CATSPERT: variants seen among roughly 807,000 people sequenced by gnomAD.
The protein encoded by CATSPERT is catsper channel auxiliary subunit tau.
At chr2:201,499,077 C>T in the CATSPERT span, among the ~76,000 whole-genome samples, 1 of 152,068 alleles carries the variant, frequency 6.6e-6, no homozygotes, top group Non-Finnish European at 1.5e-5. Context: ...GGAAGCCTGC[C>T]CAGCACATAG....
the CATSPERT span, among the ~76,000 whole-genome samples, chr2:201,596,949 T>C: frequency 1.3e-5 from 2 of 152,242 alleles, no homozygotes; most frequent in Non-Finnish European, 2.9e-5. Flanking sequence ...ATCTGGGTCA[T>C]CTGTGGGTTT....
chr2:201,563,615 A>G, the CATSPERT span, among the ~76,000 whole-genome samples: 2 of 152,136 alleles, frequency 1.3e-5, no homozygotes, highest in East Asian at 3.8e-4. Context: ...ATTTTCTACC[A>G]TCTTTTTGAT....
chr2:201,518,923 A>T, the CATSPERT span, among the ~76,000 whole-genome samples: 3 of 152,314 alleles, frequency 2.0e-5, no homozygotes, highest in African/African-American at 7.2e-5. Context: ...AGTAATTTGT[A>T]TGTCACACTA....
chr2:201,544,757 G>A, the CATSPERT span, among the ~76,000 whole-genome samples: 1 of 151,140 alleles, frequency 6.6e-6, no homozygotes, highest in Non-Finnish European at 1.5e-5. Flanking sequence ...AGCCAAGGCA[G>A]GAGGATTGCT....
the CATSPERT span, among the ~76,000 whole-genome samples, chr2:201,559,160 C>G: frequency 5.3e-5 from 8 of 152,298 alleles, no homozygotes; most frequent in African/African-American, 1.9e-4. Flanking sequence ...CCCTGGCTTG[C>G]CCAATGGCCC....
the CATSPERT span, among the ~76,000 whole-genome samples, chr2:201,529,948 C>A: frequency 1.3e-5 from 2 of 152,008 alleles, no homozygotes; most frequent in African/African-American, 4.8e-5. Flanking sequence ...GGCAAAGGAA[C>A]TGAACAGACA....
At chr2:201,602,515 A>G in the CATSPERT span, among the ~76,000 whole-genome samples, 1 of 152,190 alleles carries the variant, frequency 6.6e-6, no homozygotes, top group Admixed American at 6.5e-5. Context: ...AGCTTGTTTA[A>G]AAGCACCAAT....
the CATSPERT span, chr2:201,582,332 T>C: frequency 1.8e-5 from 18 of 993,492 alleles, no homozygotes; most frequent in African/African-American, 1.0e-4. Flanking sequence ...GCAAATACTA[T>C]TGCATACTAT....
At chr2:201,570,356 A>T in the CATSPERT span, among the ~76,000 whole-genome samples, 4 of 152,304 alleles carry the variant, frequency 2.6e-5, no homozygotes, top group South Asian at 8.3e-4. Flanking sequence ...GTATATATGG[A>T]GTACATTCCT....
chr2:201,495,774 G>T, the CATSPERT span: 3 of 430,320 alleles, frequency 7.0e-6, no homozygotes, highest in East Asian at 4.9e-5. Context: ...CTGGGAATGT[G>T]TATTTTTTAC....
At chr2:201,501,395 C>CAAAAAAA in the CATSPERT span, among the ~76,000 whole-genome samples, 36 of 46,518 alleles carry the variant, frequency 7.7e-4, no homozygotes, top group Admixed American at 1.8e-3. Context: ...AACTCCATCT[C>CAAAAAAA]AAAAAAAAAA....
chr2:201,491,322 C>A, the CATSPERT span: 4 of 1,537,616 alleles, frequency 2.6e-6, no homozygotes, highest in Non-Finnish European at 3.5e-6. Context: ...CTTTTCGGAC[C>A]TTGGGTTTTA....
At chr2:201,496,051 G>C in the CATSPERT span, 2 of 946,114 alleles carry the variant, frequency 2.1e-6, no homozygotes, top group South Asian at 3.4e-5. Flanking sequence ...ATAGTTATTA[G>C]AGATATAAAA....
chr2:201,571,176 TAAG>T, the CATSPERT span, among the ~76,000 whole-genome samples: 78 of 152,280 alleles, frequency 5.1e-4, no homozygotes, highest in African/African-American at 1.7e-3. Context: ...AAGGTAAACA[TAAG>T]AAAAAGTTCA....
At chr2:201,559,867 A>G in the CATSPERT span, among the ~76,000 whole-genome samples, 64 of 152,328 alleles carry the variant, frequency 4.2e-4, 1 homozygote, top group East Asian at 0.012. Flanking sequence ...GGGACACATG[A>G]ATCAGGAAAA....
chr2:201,558,161 A>G, the CATSPERT span: 1 of 152,266 alleles, frequency 6.6e-6, no homozygotes, highest in Non-Finnish European at 1.5e-5. Flanking sequence ...CTTCACTTTT[A>G]AACTTTAATA....
chr2:201,494,237 C>T, the CATSPERT span: 2 of 1,536,658 alleles, frequency 1.3e-6, no homozygotes, highest in Non-Finnish European at 1.7e-6. Flanking sequence ...TTCTCTCTTG[C>T]TTCACTGTTC....
chr2:201,608,963 T>C, the CATSPERT span, among the ~76,000 whole-genome samples: 4 of 149,694 alleles, frequency 2.7e-5, no homozygotes, highest in Non-Finnish European at 4.4e-5. Context: ...TAAAGGCACA[T>C]ACAGAATGAA....
At chr2:201,540,062 T>C in the CATSPERT span, among the ~76,000 whole-genome samples, 1 of 152,208 alleles carries the variant, frequency 6.6e-6, no homozygotes. Context: ...AAACAGTCCC[T>C]TAAGCCAAAG....
Sources: gnomAD v4.1 joint callset for allele counts (sites outside exome capture counted in the v4.1 genomes callset) on GRCh38, gnomAD v4.1.1 for gene constraint, MANE v1.5 for transcripts, NCBI Gene and HGNC (gene_info 2026-07-23, HGNC 2026-07-21) for gene names.